SEMA3A: variants seen among roughly 807,000 people sequenced by gnomAD.
SEMA3A encodes the protein semaphorin 3A.
In SEMA3A, 29 loss-of-function variants were observed where a neutral mutation model predicts 97.9. The ratio of observed to expected loss-of-function variants is 0.30; its 90% CI spans 0.22 to 0.40. The LOEUF (loss-of-function observed/expected upper bound fraction) is 0.40, where lower values mean the gene tolerates loss of function less well. Among genes scored for constraint, SEMA3A ranks in the 10% least tolerant of loss-of-function variants. The probability of loss-of-function intolerance (pLI) is 1.00; values close to 1 mark genes in which losing one functional copy is unlikely to be tolerated. For missense variants in SEMA3A, 763 were observed against 951.3 expected (o/e 0.80, Z 2.60); for synonymous variants, 321 against 323.7 (o/e 0.99, Z 0.09).
intron 1 of SEMA3A, among the ~76,000 whole-genome samples, chr7:84,418,146 C>T (rs1804484902): frequency 6.6e-6 from 1 of 151,906 alleles, no homozygotes; most frequent in African/African-American, 2.4e-5. Flanking sequence ...GAGAGGAAGA[C>T]CCACTGTTCT....
intron 12 of SEMA3A, among the ~76,000 whole-genome samples, chr7:83,989,424 G>C (rs1444834819): frequency 2.0e-5 from 3 of 147,146 alleles, no homozygotes; most frequent in South Asian, 2.2e-4. Flanking sequence ...CCACTAACTC[G>C]TCATCTAGCA....
chr7:84,446,219 T>C (rs1413236282), intron 1 of SEMA3A, among the ~76,000 whole-genome samples: 1 of 152,186 alleles, frequency 6.6e-6, no homozygotes. Context: ...AAACATCTCT[T>C]GATAAAGAAA....
At position 84,326,848 on chromosome 7, in the gene SEMA3A, A is replaced by C. The variant is rs538984894; in HGVS notation, c.-168-19556T>G. Among the ~76,000 whole-genome samples the C allele has an allele frequency of 8.5e-5, 13 of 152,104 alleles. No individual in the cohort carries two copies. The South Asian group carries it at 1.5e-3, about 17-fold the overall frequency. ...AGATTGATTAAAGACTTAAATGTAA[A>C]ATGCAAGACTATAAAAATCCTGGAA... On this transcript the variant is annotated intron_variant, in intron 2 of 3. Transcript: ENST00000424555.
chr7:84,022,424 G>T (rs193245802), intron 6 of SEMA3A, among the ~76,000 whole-genome samples: 1 of 152,210 alleles, frequency 6.6e-6, no homozygotes, highest in Admixed American at 6.5e-5. Context: ...CATTAAAGTA[G>T]AGAATACCTA....
chr7:84,405,334 A>T (rs1804048512), intron 1 of SEMA3A, among the ~76,000 whole-genome samples: 1 of 152,232 alleles, frequency 6.6e-6, no homozygotes, highest in Admixed American at 6.5e-5. Context: ...CAATTCAACA[A>T]GAAGAACTAA....
chr7:84,417,530 C>CA (rs1293585983), intron 1 of SEMA3A, among the ~76,000 whole-genome samples: 4 of 152,046 alleles, frequency 2.6e-5, no homozygotes, highest in African/African-American at 7.2e-5. Context: ...CTTATTCTCA[C>CA]AAAAAATTTC....
chr7:84,347,914 T>C (rs1188426767), intron 2 of SEMA3A, among the ~76,000 whole-genome samples: 1 of 152,084 alleles, frequency 6.6e-6, no homozygotes, highest in African/African-American at 2.4e-5. Flanking sequence ...CAGGACATGA[T>C]TGTATTGGCG....
At chr7:84,008,179 G>A (rs1473701386) in intron 9 of SEMA3A, among the ~76,000 whole-genome samples, 1 of 152,114 alleles carries the variant, frequency 6.6e-6, no homozygotes, top group African/African-American at 2.4e-5. Flanking sequence ...CTGGAAGTAA[G>A]CCACTGAATT....
chr7:84,357,769 G>A (rs76535653), intron 2 of SEMA3A, among the ~76,000 whole-genome samples: 3 of 151,140 alleles, frequency 2.0e-5, no homozygotes, highest in South Asian at 2.1e-4. Flanking sequence ...AAAAGTGATC[G>A]TATTTCTCCA....
intron 5 of SEMA3A, among the ~76,000 whole-genome samples, chr7:84,051,344 A>C (rs1792639759): frequency 6.6e-6 from 1 of 152,184 alleles, no homozygotes; most frequent in Non-Finnish European, 1.5e-5. Context: ...ACCCATGAGC[A>C]TGGAATGTTC....
At chr7:84,176,024 T>C (rs1797555749) in intron 1 of SEMA3A, among the ~76,000 whole-genome samples, 2 of 152,188 alleles carry the variant, frequency 1.3e-5, no homozygotes, top group South Asian at 2.1e-4. Flanking sequence ...TAGTATACTA[T>C]GGCCTAAATA....
intron 2 of SEMA3A, among the ~76,000 whole-genome samples, chr7:84,319,041 G>T (rs539792808): frequency 5.9e-5 from 9 of 152,234 alleles, no homozygotes; most frequent in South Asian, 2.1e-4. Context: ...ATAATTCAAG[G>T]ACTGTTCAAA....
chr7:84,427,839 C>T (rs1002386710), intron 1 of SEMA3A, among the ~76,000 whole-genome samples: 4 of 151,692 alleles, frequency 2.6e-5, no homozygotes, highest in East Asian at 1.9e-4. Flanking sequence ...ATAGCAAGTA[C>T]ATAAAAAATC....
chr7:84,361,387 T>G (rs1462110226), intron 2 of SEMA3A, among the ~76,000 whole-genome samples: 1 of 151,682 alleles, frequency 6.6e-6, no homozygotes, highest in African/African-American at 2.4e-5. Context: ...GGGAAAGAAA[T>G]AAATAAAGGA....
chr7:84,182,044 T>C lies in SEMA3A; in HGVS notation c.112+12431A>G, dbSNP rs1037468135. Among the ~76,000 whole-genome samples, 3 of 152,266 alleles carry C rather than the reference T, an allele frequency of 2.0e-5. No homozygotes were observed. The East Asian group carries it at 5.8e-4, about 29-fold the overall frequency. ...GATTTCTCAGTCTGGCTTCCAAGTG[T>C]CTTCTGTTAGACAAAAGCCCCTTTA... On this transcript the variant is annotated intron_variant, in intron 1 of 16. Coordinates refer to ENST00000265362, the MANE Select transcript of SEMA3A (RefSeq NM_006080.3).
At chr7:84,073,442 T>C (rs1056908177) in intron 4 of SEMA3A, among the ~76,000 whole-genome samples, 5 of 151,872 alleles carry the variant, frequency 3.3e-5, no homozygotes, top group Admixed American at 1.3e-4. Context: ...TAAAGTTGAG[T>C]TTGGACAATG....
At chr7:84,177,132 T>C (rs1797592847) in intron 1 of SEMA3A, among the ~76,000 whole-genome samples, 1 of 152,160 alleles carries the variant, frequency 6.6e-6, no homozygotes. Flanking sequence ...TAAGTAAAAA[T>C]AGTTGAAAGA....
chr7:84,402,986 T>A (rs1337168620), intron 1 of SEMA3A, among the ~76,000 whole-genome samples: 1 of 152,092 alleles, frequency 6.6e-6, no homozygotes, highest in Non-Finnish European at 1.5e-5. Context: ...AGAAGACAGA[T>A]GATTTCTGCA....
rs1408603680 is a variant in SEMA3A at position 84,490,621 on chromosome 7, T to C, written c.-246+1839A>G. Among the ~76,000 whole-genome samples, 4 of 152,344 alleles carry C rather than the reference T, an allele frequency of 2.6e-5. No individual in the cohort carries two copies. In the East Asian group the frequency reaches 7.7e-4, roughly 29 times the overall value. On this transcript the variant is annotated intron_variant, in intron 1 of 3. Transcript: ENST00000424555. ...CTTTACTAAACCAAATATACTGTTG[T>C]GTTGCTATCATATAAAAGCAACCAC... is the stretch of plus-strand genomic sequence containing the variant.
Sources: allele counts gnomAD v4.1 joint callset (sites outside exome capture counted in the v4.1 genomes callset), GRCh38; gene constraint gnomAD v4.1.1; transcripts MANE v1.5; gene names NCBI Gene and HGNC (gene_info 2026-07-23, HGNC 2026-07-21).